The following SPTA1 variants were observed in gnomAD, a reference collection of about 807,000 sequenced individuals.
SPTA1 encodes the protein spectrin alpha, erythrocytic 1, also known as spectrin alpha chain, erythrocytic 1.
In SPTA1, 177 loss-of-function variants were observed where a neutral mutation model predicts 324.7. That is an observed-to-expected ratio of 0.55 (90% CI 0.48 to 0.62). The LOEUF is 0.62. Among genes scored for constraint, SPTA1 ranks in the 20% least tolerant of loss-of-function variants. The pLI is 0.00. For missense variants in SPTA1, 3,162 were observed against 2,883.6 expected, an observed-to-expected ratio of 1.10 and a Z score of -2.21; for synonymous variants, 1,195 against 1,041.3, an observed-to-expected ratio of 1.15 and a Z score of -2.84.
At chr1:158,645,818 C>T (rs1651959411) in intron 27 of SPTA1, among the ~76,000 whole-genome samples, 1 of 152,114 alleles carries the variant, frequency 6.6e-6, no homozygotes, top group Non-Finnish European at 1.5e-5. Flanking sequence ...TTTTTCAATT[C>T]TTGCAGTAAT....
Position 158,638,158 on chromosome 1 carries a change from T to C in SPTA1, c.5064A>G (p.Lys1688=). ...TCAGGAAACGCTTGTTGACATTATC[T>C]TTTTTCTTCACAATCTGATCAACGT... ...TFNVDQIVKK[K]DNVNKRFLNV... The change falls in exon 36 of 52, where the codon AAA becomes AAG. Residue 1688 remains lysine, a synonymous_variant. Coordinates refer to ENST00000643759, the MANE Select transcript of SPTA1 (RefSeq NM_003126.4). 1 of 1,613,940 alleles carries C rather than the reference T, an allele frequency of 6.2e-7. No individual in the cohort carries two copies. The highest frequency in any genetic ancestry group is 1.7e-5 in the Admixed American group (1 of 59,954).
intron 24 of SPTA1, among the ~76,000 whole-genome samples, chr1:158,650,566 C>T (rs1251882104): frequency 6.6e-6 from 1 of 152,182 alleles, no homozygotes; most frequent in Non-Finnish European, 1.5e-5. Context: ...CCTATATTCT[C>T]CTTCTTCAGC....
In SPTA1 at chr1:158,656,587, G is replaced by T. The variant is rs567687301; in HGVS notation, c.2875C>A (p.Arg959=). Residue 959 remains arginine, a synonymous_variant, in exon 20 of 52, where the codon CGG becomes AGG. Transcript: ENST00000643759. ...NSFGDSMKAL[R]NQANACQQQQ... ...ACCTGGCAGGCGTTTGCCTGATTCC[G>T]CAGAGCTTTCATACTGTCTCCAAAT... 20 of 1,613,730 alleles carry T rather than the reference G, an allele frequency of 1.2e-5. No individual in the cohort carries two copies. Among genetic ancestry groups the T allele is most frequent in the African/African-American group, 2.7e-5 (2 of 74,878 alleles).
At chr1:158,674,152 T>C (rs1303162837) in intron 10 of SPTA1, among the ~76,000 whole-genome samples, 177 bp downstream of exon 10, 1 of 152,142 alleles carries the variant, frequency 6.6e-6, no homozygotes, top group African/African-American at 2.4e-5. Context: ...CAATGCCCCA[T>C]GGATAATAAG....
In SPTA1 at chr1:158,611,009, C is replaced by T. The variant is rs1649220912; in HGVS notation, c.*255G>A. ...AATAAAAATAGAAACTTTGACACCCCTCAGCAGTGACTAGTTGCATACAAA... is the reference window on the plus strand; with the variant it reads ...AATAAAAATAGAAACTTTGACACCCTTCAGCAGTGACTAGTTGCATACAAA... On this transcript the variant is annotated 3_prime_UTR_variant, in exon 52 of 52. Transcript: ENST00000643759. 2.1e-6 allele frequency: 1 copy of T among 477,212 alleles called. No homozygotes were observed. Among genetic ancestry groups the T allele is most frequent in the Non-Finnish European group, 3.8e-6 (1 of 260,728 alleles). 29.6% of individuals were successfully genotyped at this position (477,212 alleles called of 1,614,324 possible). A position where few individuals can be genotyped will look rare whatever the true frequency, so the allele number is the denominator to read the frequency against.
rs770750207 is a variant in SPTA1 at position 158,611,325 on chromosome 1, C to T, written c.7199G>A (p.Gly2400Asp). 1 of 1,613,792 alleles carries T rather than the reference C, an allele frequency of 6.2e-7. No individual in the cohort carries two copies. The highest frequency in any genetic ancestry group is 8.5e-7 in the Non-Finnish European group (1 of 1,179,794). ...THMQQYMDPR[G>D]RSHLSGYDYV... ...GTCATAGCCAGAGAGATGGCTTCGA[C>T]CCCGTGGGTCCATATATTGCTGCAT... Residue 2400 changes from glycine (G) to aspartate (D), a missense_variant, in exon 52 of 52, where the codon GGT (glycine) becomes GAT (aspartate). Coordinates refer to ENST00000643759, the MANE Select transcript of SPTA1 (RefSeq NM_003126.4).
intron 2 of SPTA1, among the ~76,000 whole-genome samples, chr1:158,684,843 G>A (rs1557998772): frequency 6.6e-6 from 1 of 152,078 alleles, no homozygotes; most frequent in Admixed American, 6.6e-5. Context: ...AAACAGTTCT[G>A]TGCTTTCAAC....
chr1:158,611,233 AGAT>A lies in SPTA1; in HGVS notation c.*28_*30del. The A allele has an allele frequency of 1.2e-6, 2 of 1,611,908 alleles. No homozygotes were observed. Among genetic ancestry groups the A allele is most frequent in the South Asian group, 2.2e-5 (2 of 91,042 alleles). ...CCCCAGTAAATTTCCCACGACACTA[AGAT>A]TTTCTACGATCCACGAGGAGCTGCT... On this transcript the variant is annotated 3_prime_UTR_variant, in exon 52 of 52. Transcript: ENST00000643759.
intron 5 of SPTA1, among the ~76,000 whole-genome samples, chr1:158,679,522 T>C (rs1297162719): frequency 6.6e-6 from 1 of 152,068 alleles, no homozygotes; most frequent in Admixed American, 6.6e-5. Flanking sequence ...CACTGGTATG[T>C]AAGAAGCATG....
rs375230030 is a variant in SPTA1, at chr1:158,666,362, C to T, written c.2174G>A (p.Arg725Gln). ...YGKGLAEVQNRLRKHGLLESA... is the reference protein window; with the variant it reads ...YGKGLAEVQNQLRKHGLLESA... ...CTCCAGGAGGCCGTGTTTCCTGAGT[C>T]GATTCTGTACCTCGGCCAGGCCTTT... The change falls in exon 16 of 52, where the codon CGA becomes CAA. Residue 725 changes from arginine to glutamine, a missense_variant. By Grantham distance (43) the Arg-to-Gln change is conservative. Coordinates refer to ENST00000643759, the MANE Select transcript of SPTA1 (RefSeq NM_003126.4). The T allele has an allele frequency of 6.1e-5, 99 of 1,613,766 alleles. No individual in the cohort carries two copies. Among genetic ancestry groups the T allele is most frequent in the Non-Finnish European group, 3.1e-5 (36 of 1,179,988 alleles).
In SPTA1 at chr1:158,685,340, T is replaced by C. The variant is rs769982359; in HGVS notation, c.32A>G (p.Glu11Gly). The C allele has an allele frequency of 8.7e-6, 14 of 1,613,246 alleles. No individual in the cohort carries two copies. In the East Asian group the frequency reaches 2.2e-4, roughly 26 times the overall value. ...TTCCAAAACCTTTGGCCCACTGCTC[T>C]CCACAACCTGCAAGTTAAAAAGATT... Reference protein sequence around the residue: MEQFPKETVVESSGPKVLETA... With the variant: MEQFPKETVVGSSGPKVLETA... Residue 11 changes from glutamate (E) to glycine (G), a missense_variant, in exon 2 of 52, where the codon GAG (glutamate) becomes GGG (glycine). Coordinates refer to ENST00000643759, the MANE Select transcript of SPTA1 (RefSeq NM_003126.4).
chr1:158,656,330 G>A (rs1019354349), intron 20 of SPTA1, among the ~76,000 whole-genome samples: 3 of 152,116 alleles, frequency 2.0e-5, no homozygotes, highest in African/African-American at 7.2e-5. Flanking sequence ...AAAGAGGAAA[G>A]CCAAAAATAC....
At position 158,648,506 on chromosome 1, in the gene SPTA1, C is replaced by A. The variant is rs773686982; in HGVS notation, c.3714+3G>T. On this transcript the variant is annotated splice_donor_region_variant and intron_variant, in intron 26 of 51. Transcript: ENST00000643759. Reference sequence around the variant, plus strand: ...TGGAAAAGCTTTGAAGGACTTGTCTCACCTTATCTCCCAGGGGTACGAGGT... The same window carrying A: ...TGGAAAAGCTTTGAAGGACTTGTCTAACCTTATCTCCCAGGGGTACGAGGT... The A allele has an allele frequency of 6.2e-7, 1 of 1,613,886 alleles. No homozygotes were observed. The highest frequency in any genetic ancestry group is 1.3e-5 in the African/African-American group (1 of 75,022).
chr1:158,643,820 C>A (rs1327130668), intron 30 of SPTA1, among the ~76,000 whole-genome samples: 2 of 152,072 alleles, frequency 1.3e-5, no homozygotes, highest in Non-Finnish European at 2.9e-5. Flanking sequence ...GCCCTGCCTG[C>A]CTCAGTTTTT....
rs569192808 is a variant in SPTA1 at position 158,657,281 on chromosome 1, A to T, written c.2805+196T>A. Among the ~76,000 whole-genome samples, 4 of 152,284 alleles carry T rather than the reference A, an allele frequency of 2.6e-5. No individual in the cohort carries two copies. In the South Asian group the frequency reaches 8.3e-4, roughly 32 times the overall value. The stretch of plus-strand genomic sequence containing the variant: ...AGTATATGAATCTCCATGGGATGAG[A>T]AAAATGTAGCATATCTTTTGGGATT... On this transcript the variant is annotated intron_variant, in intron 19 of 51. Transcript: ENST00000643759.
At chr1:158,654,869 T>C (rs2101869862) in intron 20 of SPTA1, 121 bp from the exon 21 acceptor site, 1 of 1,343,226 alleles carries the variant, frequency 7.4e-7, no homozygotes, top group African/African-American at 1.5e-5. Context: ...TGGAACCTCT[T>C]ACGTGGCTGC....
chr1:158,623,190 G>A lies in SPTA1; in HGVS notation c.5913C>T (p.Asp1971=), dbSNP rs376799877. 6 of 1,613,924 alleles carry A rather than the reference G, an allele frequency of 3.7e-6. No homozygotes were observed. The highest frequency in any genetic ancestry group is 5.1e-6 in the Non-Finnish European group (6 of 1,179,820). The change falls in exon 43 of 52, where the codon GAC becomes GAT. Residue 1971 remains aspartate (D), a splice_region_variant and synonymous_variant. Transcript: ENST00000643759. The part of the protein sequence containing the change: ...GDFLTLLAKQ[D]TLDASLQSFQ... ...AACTCTGCAGACTGGCATCCAGAGT[G>A]TCCTGAGAAAGATCAGGAGAGAGGC... is the stretch of plus-strand genomic sequence containing the variant.
intron 18 of SPTA1, among the ~76,000 whole-genome samples, chr1:158,661,057 A>G (rs947998935): frequency 6.6e-5 from 10 of 152,326 alleles, no homozygotes; most frequent in African/African-American, 2.4e-4. Context: ...ATTTTACTTT[A>G]ATAATTTTTG....
Position 158,686,508 on chromosome 1 carries a change from A to G in SPTA1, c.10T>C (p.Phe4Leu), listed in dbSNP as rs753495645. The stretch of plus-strand genomic sequence containing the variant: ...TATGTACTTACGGTTTCCTTTGGAA[A>G]TTGCTCCATTTTTCCTAAAGGTTTA... MEQ[F>L]PKETVVESSG... The change falls in exon 1 of 52, where the codon TTT becomes CTT. Residue 4 changes from phenylalanine to leucine, a missense_variant. Coordinates refer to ENST00000643759, the MANE Select transcript of SPTA1 (RefSeq NM_003126.4). 19 of 1,592,996 alleles carry G rather than the reference A, an allele frequency of 1.2e-5. No individual in the cohort carries two copies. Among genetic ancestry groups the G allele is most frequent in the Middle Eastern group, 1.7e-4 (1 of 5,978 alleles).
Sources: allele counts gnomAD v4.1 joint callset (sites outside exome capture counted in the v4.1 genomes callset), GRCh38; gene constraint gnomAD v4.1.1; transcripts MANE v1.5; gene names NCBI Gene and HGNC (gene_info 2026-07-23, HGNC 2026-07-21).